The following TGFBR3 variants were observed in gnomAD, a reference collection of about 807,000 sequenced individuals.
TGFBR3 encodes transforming growth factor beta receptor 3.
A neutral mutation model predicts 87.9 loss-of-function variants in TGFBR3; 46 were observed. The ratio of observed to expected loss-of-function variants is 0.52; its 90% CI spans 0.41 to 0.67. The LOEUF (loss-of-function observed/expected upper bound fraction) is 0.67. Among genes scored for constraint, TGFBR3 ranks in the 30% least tolerant of loss-of-function variants. The pLI, the probability that TGFBR3 is intolerant of heterozygous loss-of-function variation, is 0.00. For missense variants in TGFBR3, 866 were observed against 1,041.9 expected (o/e 0.83, Z 2.32); for synonymous variants, 381 against 391.6 (o/e 0.97, Z 0.32).
At chr1:91,872,974 G>T (rs1678639291) in intron 1 of TGFBR3, among the ~76,000 whole-genome samples, 2 of 151,826 alleles carry the variant, frequency 1.3e-5, no homozygotes, top group African/African-American at 2.4e-5. Context: ...ACGGGGTGGT[G>T]GGAGGGGGGG....
chr1:91,741,217 G>A (rs776856427), intron 4 of TGFBR3, among the ~76,000 whole-genome samples: 1 of 152,218 alleles, frequency 6.6e-6, no homozygotes, highest in Non-Finnish European at 1.5e-5. Context: ...CCATGACCCT[G>A]AGGTTCAATT....
At chr1:91,875,910 C>CAAAA (rs34185299) in intron 1 of TGFBR3, among the ~76,000 whole-genome samples, 18 of 63,492 alleles carry the variant, frequency 2.8e-4, no homozygotes, top group East Asian at 7.4e-4. Flanking sequence ...GACTCCGTCT[C>CAAAA]AAAAAAAAAA....
At position 91,683,555 on chromosome 1, in the gene TGFBR3, C is replaced by T. The variant is rs575782942; in HGVS notation, c.*184G>A. 2 of 701,834 alleles carry T rather than the reference C, an allele frequency of 2.8e-6. No individual in the cohort carries two copies. The highest frequency in any genetic ancestry group is 5.4e-5 in the East Asian group (2 of 37,176). The allele number at this position is 701,834 out of a possible 1,614,324, so 43.5% of individuals were successfully genotyped here. On this transcript the variant is annotated 3_prime_UTR_variant, in exon 17 of 17. Transcript: ENST00000212355. Reference sequence around the variant, plus strand: ...ACAGAAGCCCAGGGTCATGTTTATACTAGCCCTGGGTGTGGGGTGAATACA... The same window carrying T: ...ACAGAAGCCCAGGGTCATGTTTATATTAGCCCTGGGTGTGGGGTGAATACA...
chr1:91,734,102 GAGAA>G (rs1367675207), intron 5 of TGFBR3, among the ~76,000 whole-genome samples: 1 of 151,158 alleles, frequency 6.6e-6, no homozygotes, highest in Admixed American at 6.6e-5. Context: ...ATGAAAGAAT[GAGAA>G]AGAAAGAGAA....
chr1:91,820,680 C>T (rs10874983), intron 2 of TGFBR3, among the ~76,000 whole-genome samples: 43,534 of 151,770 alleles, frequency 0.29, 6,992 homozygotes, highest in African/African-American at 0.43. Context: ...AGCGAGACTC[C>T]GTCTAAAATA....
At position 91,867,550 on chromosome 1, in the gene TGFBR3, G is replaced by T. The variant is rs183960982; in HGVS notation, c.-113-5906C>A. On this transcript the variant is annotated intron_variant, in intron 1 of 16. Coordinates refer to ENST00000212355, the MANE Select transcript of TGFBR3 (RefSeq NM_003243.5). ...ACTCCCAAGGAAAATACAGGAAAAA[G>T]GGAGGGTGGGTGTTGACACATTTCA... is the stretch of plus-strand genomic sequence containing the variant. Among the ~76,000 whole-genome samples the T allele has an allele frequency of 2.6e-5, 4 of 152,318 alleles. No individual in the cohort carries two copies. The East Asian group carries it at 7.7e-4, about 29-fold the overall frequency.
intron 4 of TGFBR3, among the ~76,000 whole-genome samples, chr1:91,739,255 G>A (rs1404952856): frequency 2.0e-5 from 3 of 152,062 alleles, no homozygotes; most frequent in East Asian, 1.9e-4. Flanking sequence ...GTAGACTTCC[G>A]GAATAATTCA....
chr1:91,748,742 ATT>A (rs1673433300), intron 4 of TGFBR3, among the ~76,000 whole-genome samples: 1 of 151,424 alleles, frequency 6.6e-6, no homozygotes, highest in African/African-American at 2.4e-5. Context: ...TATTATTATT[ATT>A]ATTATTATTG....
chr1:91,867,997 C>A (rs538853333), intron 1 of TGFBR3, among the ~76,000 whole-genome samples: 3 of 152,344 alleles, frequency 2.0e-5, no homozygotes, highest in African/African-American at 7.2e-5. Context: ...CAGCTCACTG[C>A]AACCTCTGCC....
At chr1:91,800,228 CAAAAAAA>C (rs148518308) in intron 2 of TGFBR3, among the ~76,000 whole-genome samples, 1,375 of 114,330 alleles carry the variant, frequency 0.012, 14 homozygotes, top group Middle Eastern at 0.054. Flanking sequence ...CCCATCTCTA[CAAAAAAA>C]AAAAAAATAT....
At chr1:91,703,701 T>G (rs1393246146) in intron 14 of TGFBR3, among the ~76,000 whole-genome samples, 2 of 152,192 alleles carry the variant, frequency 1.3e-5, no homozygotes. Flanking sequence ...TAAAAAGCGG[T>G]CACAGAATCC....
intron 2 of TGFBR3, among the ~76,000 whole-genome samples, chr1:91,831,916 C>A (rs557041965): frequency 3.3e-4 from 50 of 152,248 alleles, no homozygotes; most frequent in African/African-American, 1.2e-3. Context: ...AAAGTAATAA[C>A]AAAACATCCA....
At chr1:91,847,111 T>A (rs959457007) in intron 2 of TGFBR3, among the ~76,000 whole-genome samples, 2 of 152,108 alleles carry the variant, frequency 1.3e-5, no homozygotes, top group Admixed American at 6.5e-5. Flanking sequence ...TATAAACTAC[T>A]CAATGGCAGT....
At chr1:91,901,475 C>T (rs984305292) in intron 1 of TGFBR3, among the ~76,000 whole-genome samples, 5 of 152,186 alleles carry the variant, frequency 3.3e-5, no homozygotes, top group African/African-American at 1.2e-4. Context: ...CAAGGATTTA[C>T]ATCTGTTTTT....
chr1:91,759,472 T>TGCAGGTCA (rs1198231292), intron 3 of TGFBR3, among the ~76,000 whole-genome samples: 3 of 151,390 alleles, frequency 2.0e-5, no homozygotes, highest in Admixed American at 2.0e-4. Flanking sequence ...CAAGGACTAT[T>TGCAGGTCA]GCAGGTCATC....
chr1:91,875,299 G>C (rs1254466673), intron 1 of TGFBR3, among the ~76,000 whole-genome samples: 1 of 152,182 alleles, frequency 6.6e-6, no homozygotes, highest in Non-Finnish European at 1.5e-5. Context: ...CATAGAGAAG[G>C]AGGGACATGG....
At chr1:91,904,286 G>A (rs1679796209) in intron 1 of TGFBR3, among the ~76,000 whole-genome samples, 1 of 143,442 alleles carries the variant, frequency 7.0e-6, no homozygotes, top group Non-Finnish European at 1.5e-5. Context: ...ATCAGGGCTT[G>A]GATTTTTTTT....
At chr1:91,746,947 C>A (rs575797524) in intron 4 of TGFBR3, among the ~76,000 whole-genome samples, 163 of 152,090 alleles carry the variant, frequency 1.1e-3, no homozygotes, top group Non-Finnish European at 2.0e-3. Context: ...AGGGTAGACA[C>A]GCACATCCCT....
chr1:91,792,484 AT>A (rs1183022938), intron 3 of TGFBR3, among the ~76,000 whole-genome samples: 2 of 152,216 alleles, frequency 1.3e-5, no homozygotes, highest in Admixed American at 1.3e-4. Flanking sequence ...CACATATGTA[AT>A]GGCTAACTTG....
Sources: allele counts gnomAD v4.1 joint callset (sites outside exome capture counted in the v4.1 genomes callset), GRCh38; gene constraint gnomAD v4.1.1; transcripts MANE v1.5; gene names NCBI Gene and HGNC (gene_info 2026-07-23, HGNC 2026-07-21).